The following CDH13 variants were observed in gnomAD, a reference collection of about 807,000 sequenced individuals.
CDH13 encodes the protein cadherin-13.
CDH13 carries 24 observed loss-of-function variants against 63.8 expected under a neutral mutation model. The ratio of observed to expected loss-of-function variants is 0.38; its 90% CI spans 0.27 to 0.53. CDH13 has a LOEUF of 0.53. Among genes scored for constraint, CDH13 ranks in the 20% least tolerant of loss-of-function variants. The pLI is 0.85. For missense variants in CDH13, 1,049 were observed against 903.1 expected, an observed-to-expected ratio of 1.16 and a Z score of -2.07; for synonymous variants, 503 against 355.3, an observed-to-expected ratio of 1.42 and a Z score of -4.67.
chr16:83,269,855 T>C (rs2088747718), intron 5 of CDH13, among the ~76,000 whole-genome samples: 1 of 152,166 alleles, frequency 6.6e-6, no homozygotes, highest in Non-Finnish European at 1.5e-5. Context: ...TTGGGGATGA[T>C]CTCATCTGAT....
chr16:83,763,893 A>C (rs1914175156), intron 11 of CDH13, among the ~76,000 whole-genome samples: 1 of 151,598 alleles, frequency 6.6e-6, no homozygotes, highest in Non-Finnish European at 1.5e-5. Context: ...CACTGGGTCC[A>C]CTGAGATAAT....
chr16:83,209,633 G>A (rs1597520054), intron 4 of CDH13, among the ~76,000 whole-genome samples: 1 of 152,154 alleles, frequency 6.6e-6, no homozygotes, highest in East Asian at 1.9e-4. Context: ...TCTTCACTCA[G>A]AGTGTTAATC....
intron 2 of CDH13, among the ~76,000 whole-genome samples, chr16:82,974,806 T>C (rs1414377744): frequency 1.3e-5 from 2 of 152,236 alleles, no homozygotes. Context: ...GAAGCAGATT[T>C]GTCCCTAGAG....
At chr16:83,624,332 G>C (rs1052143074) in intron 8 of CDH13, among the ~76,000 whole-genome samples, 5 of 149,506 alleles carry the variant, frequency 3.3e-5, no homozygotes, top group African/African-American at 1.2e-4. Context: ...GAAATGATGA[G>C]ATAACGCCCC....
At chr16:82,803,838 G>A (rs1452160667) in intron 1 of CDH13, among the ~76,000 whole-genome samples, 1 of 152,210 alleles carries the variant, frequency 6.6e-6, no homozygotes, top group Non-Finnish European at 1.5e-5. Flanking sequence ...TTATTGCTCA[G>A]TGGGTATAAA....
At chr16:82,694,749 A>T (rs1418733805) in intron 1 of CDH13, among the ~76,000 whole-genome samples, 1 of 152,242 alleles carries the variant, frequency 6.6e-6, no homozygotes, top group Non-Finnish European at 1.5e-5. Flanking sequence ...TCATTCAAAA[A>T]ATATTCTTTG....
At chr16:83,652,749 C>T (rs960671583) in intron 8 of CDH13, among the ~76,000 whole-genome samples, 9 of 152,142 alleles carry the variant, frequency 5.9e-5, no homozygotes, top group Non-Finnish European at 1.2e-4. Context: ...CTTGAATCCC[C>T]AGCGCCTGCA....
rs767665074 is a variant in CDH13, at chr16:82,858,422, T to G, written c.106T>G (p.Phe36Val). 3 of 1,613,874 alleles carry G rather than the reference T, an allele frequency of 1.9e-6. No individual in the cohort carries two copies. The Admixed American group carries it at 5.0e-5, about 27-fold the overall frequency. ...DCTPGFQQKV[F>V]HINQPAEFIE... The stretch of plus-strand genomic sequence containing the variant: ...CACTCCTGGATTTCAGCAGAAAGTG[T>G]TCCATATCAATCAGCCAGCTGAATT... The change falls in exon 2 of 14, where the codon TTC becomes GTC. Residue 36 changes from phenylalanine (F) to valine (V), a missense_variant. Coordinates refer to ENST00000567109, the MANE Select transcript of CDH13 (RefSeq NM_001257.5).
chr16:82,960,548 G>A (rs16958960), intron 2 of CDH13, among the ~76,000 whole-genome samples: 8,246 of 152,276 alleles, frequency 0.054, 292 homozygotes, highest in East Asian at 0.15. Flanking sequence ...GCGTGGCATA[G>A]TCACAGGCAA....
Position 82,714,712 on chromosome 16 carries a change from T to TAAAAAAAA in CDH13, c.45+87595_45+87602dup, listed in dbSNP as rs71146088. 6.7e-5 allele frequency among the ~76,000 whole-genome samples: 2 copies of TAAAAAAAA among 29,986 alleles called. 1 individual carries two copies. Among genetic ancestry groups the TAAAAAAAA allele is most frequent in the Non-Finnish European group, 1.2e-4 (2 of 16,074 alleles). The allele number at this position is 29,986 out of a possible 152,430, so 19.7% of individuals were successfully genotyped here. On this transcript the variant is annotated intron_variant, in intron 1 of 13. Transcript: ENST00000567109. ...CTAGGCGACAGAGCAAGACTCCATC[T>TAAAAAAAA]AAAAAAAAAAAAAAAAAAAAAAAAA...
chr16:83,030,134 C>G (rs190324633), intron 2 of CDH13, among the ~76,000 whole-genome samples: 3 of 152,276 alleles, frequency 2.0e-5, no homozygotes, highest in Admixed American at 2.0e-4. Context: ...CCCATCTTCC[C>G]TATTCCTTCC....
At chr16:82,643,870 A>G (rs997515197) in intron 1 of CDH13, among the ~76,000 whole-genome samples, 2 of 151,940 alleles carry the variant, frequency 1.3e-5, no homozygotes, top group African/African-American at 4.8e-5. Context: ...AGTTCTGGAA[A>G]TAGCTAAGTG....
rs527681226 is a variant in CDH13, at chr16:83,576,879, A to G, written c.961-25575A>G. The stretch of plus-strand genomic sequence containing the variant: ...TTGTAGAGTTATAAATGTTGCCTAC[A>G]TCTTCTGGATAGTAGACCCTTATCA... On this transcript the variant is annotated intron_variant, in intron 7 of 13. Coordinates refer to ENST00000567109, the MANE Select transcript of CDH13 (RefSeq NM_001257.5). Among the ~76,000 whole-genome samples the G allele has an allele frequency of 1.1e-4, 17 of 152,318 alleles. No individual in the cohort carries two copies. The East Asian group carries it at 2.5e-3, about 22-fold the overall frequency.
chr16:83,780,261 C>T, intron 12 of CDH13, 60 bp downstream of exon 12: 3 of 1,158,884 alleles, frequency 2.6e-6, no homozygotes, highest in Non-Finnish European at 3.7e-6. Context: ...TTTCTCTTTC[C>T]CAAAATGCTG....
chr16:82,674,242 T>A (rs1324157334), intron 1 of CDH13, among the ~76,000 whole-genome samples: 1 of 152,228 alleles, frequency 6.6e-6, no homozygotes, highest in Non-Finnish European at 1.5e-5. Flanking sequence ...AGTCACCATC[T>A]GGACTGGGAG....
intron 5 of CDH13, among the ~76,000 whole-genome samples, chr16:83,339,317 T>C (rs1384384522): frequency 6.6e-6 from 1 of 152,198 alleles, no homozygotes; most frequent in Non-Finnish European, 1.5e-5. Flanking sequence ...GTATTTATCA[T>C]ACTTTCTGGT....
At chr16:83,493,250 T>A (rs2074060006) in intron 7 of CDH13, among the ~76,000 whole-genome samples, 1 of 152,232 alleles carries the variant, frequency 6.6e-6, no homozygotes, top group Admixed American at 6.5e-5. Flanking sequence ...CAGAAAGAAG[T>A]TGGAGTTTCT....
At chr16:83,491,005 G>A (rs1037487270) in intron 7 of CDH13, among the ~76,000 whole-genome samples, 1 of 152,192 alleles carries the variant, frequency 6.6e-6, no homozygotes, top group Non-Finnish European at 1.5e-5. Flanking sequence ...TATCAGGGTG[G>A]ATGAGTGGAT....
intron 13 of CDH13, among the ~76,000 whole-genome samples, chr16:83,792,629 C>T (rs1007201237): frequency 1.3e-5 from 2 of 152,144 alleles, no homozygotes; most frequent in African/African-American, 4.8e-5. Context: ...GGACAGCACC[C>T]CCCACAAAGA....
Sources: allele counts gnomAD v4.1 joint callset (sites outside exome capture counted in the v4.1 genomes callset), GRCh38; gene constraint gnomAD v4.1.1; transcripts MANE v1.5; gene names NCBI Gene and HGNC (gene_info 2026-07-23, HGNC 2026-07-21).